The following CHD2 variants were observed in gnomAD, a reference collection of about 807,000 sequenced individuals.
CHD2 encodes ATP-dependent chromatin remodeler CHD2.
Under a neutral mutation model 243.9 loss-of-function variants are expected in CHD2, and 28 were observed. The observed-to-expected ratio is 0.11, with a 90% CI of 0.09 to 0.16. The LOEUF is 0.16. Ranked by LOEUF, CHD2 falls within the 10% of genes least tolerant of loss-of-function variation. The pLI, the probability that CHD2 is intolerant of heterozygous loss-of-function variation, is 1.00. For missense variants in CHD2, 1,386 were observed against 2,209.8 expected (o/e 0.63, Z 7.47); for synonymous variants, 775 against 779.0 (o/e 0.99, Z 0.09).
At chr15:92,922,706 C>T (rs1400639218) in intron 2 of CHD2, among the ~76,000 whole-genome samples, 2 of 152,160 alleles carry the variant, frequency 1.3e-5, no homozygotes, top group East Asian at 3.8e-4. Context: ...CCTTGCCCCC[C>T]TCAGAGCAAA....
intron 37 of CHD2, among the ~76,000 whole-genome samples, chr15:93,019,469 A>G (rs1449001144): frequency 6.6e-6 from 1 of 152,196 alleles, no homozygotes; most frequent in Non-Finnish European, 1.5e-5. Flanking sequence ...TTTAGGAGTC[A>G]TTACTGATAC....
chr15:92,949,289 A>G, intron 13 of CHD2: 2 of 1,248,804 alleles, frequency 1.6e-6, no homozygotes, highest in Non-Finnish European at 2.1e-6. Context: ...GATCTAAAGA[A>G]TACTTTATTT....
At position 92,900,465 on chromosome 15, in the gene CHD2, G is replaced by A. The variant is rs1211374736; in HGVS notation, c.-431G>A. 2.5e-6 allele frequency: 1 copy of A among 397,764 alleles called. No individual in the cohort carries two copies. Among genetic ancestry groups the A allele is most frequent in the African/African-American group, 2.1e-5 (1 of 48,594 alleles). The allele number at this position is 397,764 out of a possible 1,614,324, so 24.6% of individuals were successfully genotyped here. ...CCCGTAGCCCCCTGCCTTTCCTAGG[G>A]ACTTACTGGGGTCGATTCGAACCTT... On this transcript the variant is annotated 5_prime_UTR_variant, in exon 1 of 39. Coordinates refer to ENST00000394196, the MANE Select transcript of CHD2 (RefSeq NM_001271.4).
chr15:92,979,061 C>T, intron 21 of CHD2, 74 bp from the exon 22 acceptor site: 1 of 1,562,932 alleles, frequency 6.4e-7, no homozygotes, highest in Non-Finnish European at 8.6e-7. Flanking sequence ...TTTGACAGAG[C>T]TAATCCTTCT....
At chr15:93,004,433 G>A (rs2054295098) in intron 33 of CHD2, 184 bp from the exon 34 acceptor site, 2 of 461,472 alleles carry the variant, frequency 4.3e-6, no homozygotes, top group Admixed American at 4.0e-5. Flanking sequence ...GGAATAATGT[G>A]TGAGTAAGCT....
In CHD2 at chr15:92,971,757, A is replaced by C; in HGVS notation, c.2190-8A>C. 6.2e-7 allele frequency: 1 copy of C among 1,608,306 alleles called. No homozygotes were observed. The highest frequency in any genetic ancestry group is 1.7e-4 in the Middle Eastern group (1 of 6,032). ...ATCTAGTAGTATCATTATCATTTTA[A>C]TTTGCAGGTGGATTCTGACCAGGAA... is the stretch of plus-strand genomic sequence containing the variant. On this transcript the variant is annotated splice_region_variant and splice_polypyrimidine_tract_variant and intron_variant, in intron 17 of 38. Transcript: ENST00000394196.
chr15:93,024,815 G>A lies in CHD2; in HGVS notation c.*110G>A. ...CAGTAAGTGGAGTTTTGGACATGCTGCTGCTGTCAACTCACTGGCTGAAGG... is the reference window on the plus strand; with the variant it reads ...CAGTAAGTGGAGTTTTGGACATGCTACTGCTGTCAACTCACTGGCTGAAGG... On this transcript the variant is annotated 3_prime_UTR_variant, in exon 39 of 39. Transcript: ENST00000394196. The A allele has an allele frequency of 2.2e-6, 2 of 922,024 alleles. No homozygotes were observed. The highest frequency in any genetic ancestry group is 3.2e-6 in the Non-Finnish European group (2 of 620,818). 57.1% of individuals were successfully genotyped at this position (922,024 alleles called of 1,614,324 possible).
chr15:92,961,563 C>G (rs1208963793), intron 16 of CHD2, among the ~76,000 whole-genome samples: 1 of 151,976 alleles, frequency 6.6e-6, no homozygotes, highest in Non-Finnish European at 1.5e-5. Context: ...CAATGCCCAG[C>G]TAATTTTTAA....
rs1032929081 is a variant in CHD2, at chr15:92,998,731, T to C, written c.4008+110T>C. ...GAGCACTGCACAGAATGTCACCTTC[T>C]CATGGGCATATTTTGTTTTTGAGGT... On this transcript the variant is annotated intron_variant, in intron 31 of 38. Transcript: ENST00000394196. This position sits in a 1 kb window ranked among gnomAD's most constrained non-coding sequence, Gnocchi z 5.1. 2.3e-6 allele frequency: 3 copies of C among 1,333,194 alleles called. No homozygotes were observed. Among genetic ancestry groups the C allele is most frequent in the Non-Finnish European group, 3.1e-6 (3 of 977,818 alleles). 82.6% of individuals were successfully genotyped at this position (1,333,194 alleles called of 1,614,324 possible). A position where few individuals can be genotyped will look rare whatever the true frequency, so the allele number is the denominator to read the frequency against.
chr15:93,003,451 G>T (rs531274270), intron 33 of CHD2, among the ~76,000 whole-genome samples: 2 of 151,870 alleles, frequency 1.3e-5, no homozygotes, highest in South Asian at 4.2e-4. Context: ...CCCACAGAAA[G>T]ACATTATTTT....
At chr15:92,999,899 C>G (rs1410547420) in intron 31 of CHD2, among the ~76,000 whole-genome samples, 2 of 151,980 alleles carry the variant, frequency 1.3e-5, no homozygotes, top group East Asian at 3.8e-4. Context: ...GAGTGATTTT[C>G]CTTTTTTAAA....
chr15:92,933,913 A>G (rs568226674), intron 5 of CHD2, among the ~76,000 whole-genome samples: 19 of 152,162 alleles, frequency 1.2e-4, no homozygotes, highest in Non-Finnish European at 2.6e-4. Context: ...GCCCTTTTCC[A>G]GTGTTTTGAA....
Position 93,020,106 on chromosome 15 carries a change from G to A in CHD2, c.5001G>A (p.Gln1667=). Residue 1667 remains glutamine (Q), a synonymous_variant, in exon 38 of 39, where the codon CAG becomes CAA. Transcript: ENST00000394196. ...GCGACAGGCACCATCAGTATGAGCA[G>A]CACTGGTACAAGGACCACCATTATG... ...WGSDRHHQYE[Q]HWYKDHHYGD... is the part of the protein sequence containing the mutation. The A allele has an allele frequency of 6.2e-7, 1 of 1,614,170 alleles. No individual in the cohort carries two copies.
At chr15:92,937,391 C>T (rs776656841) in intron 5 of CHD2, 127 bp from the exon 6 acceptor site, 3 of 639,544 alleles carry the variant, frequency 4.7e-6, no homozygotes, top group Non-Finnish European at 8.1e-6. Flanking sequence ...GCTAGAATCT[C>T]TTTTAGCATG....
rs1330042591 is a variant in CHD2 at position 92,953,523 on chromosome 15, C to T, written c.1669C>T (p.Pro557Ser). 2 of 1,614,008 alleles carry T rather than the reference C, an allele frequency of 1.2e-6. No individual in the cohort carries two copies. The highest frequency in any genetic ancestry group is 1.7e-6 in the Non-Finnish European group (2 of 1,180,004). Residue 557 changes from proline (P) to serine (S), a missense_variant, in exon 14 of 39, where the codon CCA becomes TCA. Pro to Ser is a moderately conservative substitution (Grantham distance 74). Coordinates refer to ENST00000394196, the MANE Select transcript of CHD2 (RefSeq NM_001271.4). Reference protein sequence around the residue: ...SWQREFEIWAPEINVVVYIGD... With the variant: ...SWQREFEIWASEINVVVYIGD... ...GCAGAGAGAGTTTGAAATCTGGGCA[C>T]CAGAGATTAACGTAGTGGTTTACAT...
intron 28 of CHD2, among the ~76,000 whole-genome samples, chr15:92,996,599 C>T (rs1019345339): frequency 1.1e-4 from 16 of 152,056 alleles, no homozygotes; most frequent in African/African-American, 3.6e-4. Context: ...TTTTGACCTT[C>T]GCTAGTGGGA....
intron 2 of CHD2, chr15:92,901,594 C>G (rs1321126770): frequency 2.3e-6 from 1 of 440,110 alleles, no homozygotes; most frequent in Non-Finnish European, 4.0e-6. Flanking sequence ...CAGTAAATTT[C>G]AGTTTTTAGG....
chr15:92,981,562 C>A, intron 24 of CHD2, 105 bp downstream of exon 24: 1 of 802,500 alleles, frequency 1.2e-6, no homozygotes, highest in South Asian at 1.7e-5. Context: ...TTCTCTTTAC[C>A]TGAATTGAGT....
intron 2 of CHD2, among the ~76,000 whole-genome samples, chr15:92,906,431 A>T (rs2052622654): frequency 6.6e-6 from 1 of 152,176 alleles, no homozygotes; most frequent in Admixed American, 6.5e-5. Flanking sequence ...TGAGGAGTGA[A>T]TCTGGAAGTT....
Sources: allele counts gnomAD v4.1 joint callset (sites outside exome capture counted in the v4.1 genomes callset), GRCh38; gene constraint gnomAD v4.1.1; non-coding constraint Gnocchi (gnomAD v3.1); transcripts MANE v1.5; gene names NCBI Gene and HGNC (gene_info 2026-07-23, HGNC 2026-07-21).